The following CUX1 variants were observed in gnomAD, a reference collection of about 807,000 sequenced individuals.
The protein encoded by CUX1 is protein CASP.
CUX1 carries 31 observed loss-of-function variants against 158.8 expected under a neutral mutation model. The ratio of observed to expected loss-of-function variants is 0.20; its 90% CI spans 0.15 to 0.26. CUX1 has a LOEUF of 0.26. Ranked by LOEUF, CUX1 falls within the 10% of genes least tolerant of loss-of-function variation. CUX1 has a pLI of 1.00. For synonymous variants in CUX1, 879 were observed against 862.1 expected, an observed-to-expected ratio of 1.02 and a Z score of -0.34; for missense variants, 1,589 against 2,014.6, an observed-to-expected ratio of 0.79 and a Z score of 4.04.
intron 2 of CUX1, among the ~76,000 whole-genome samples, chr7:101,928,891 C>T (rs1163466381): frequency 6.6e-6 from 1 of 151,200 alleles, no homozygotes; most frequent in Non-Finnish European, 1.5e-5. Context: ...GGGATGGTCT[C>T]GATCTCCTGA....
downstream of CUX1, among the ~76,000 whole-genome samples, chr7:102,260,570 CTTTTTTTTTTT>C (rs55642237): frequency 5.9e-5 from 3 of 51,050 alleles, no homozygotes; most frequent in African/African-American, 2.5e-4. Flanking sequence ...CCACACCTGG[CTTTTTTTTTTT>C]TTTTTTTTTT....
intron 3 of CUX1, among the ~76,000 whole-genome samples, chr7:102,044,024 T>C (rs1442312698): frequency 1.3e-5 from 2 of 152,138 alleles, no homozygotes; most frequent in Non-Finnish European, 1.5e-5. Context: ...CACTCTGTTG[T>C]GCAGACTGGC....
At chr7:101,885,222 G>T (rs1367010276) in intron 1 of CUX1, among the ~76,000 whole-genome samples, 2 of 152,200 alleles carry the variant, frequency 1.3e-5, no homozygotes, top group Non-Finnish European at 2.9e-5. Flanking sequence ...GGGGCTGGAT[G>T]CCCTGCCTCC....
At chr7:102,098,783 G>A (rs571674126) in intron 5 of CUX1, among the ~76,000 whole-genome samples, 2 of 148,652 alleles carry the variant, frequency 1.3e-5, no homozygotes, top group African/African-American at 5.0e-5. Flanking sequence ...TGGGACTACA[G>A]GAGCCCGCCA....
At chr7:102,108,499 C>T (rs1329205582) in intron 6 of CUX1, among the ~76,000 whole-genome samples, 3 of 151,896 alleles carry the variant, frequency 2.0e-5, no homozygotes, top group Admixed American at 6.6e-5. Flanking sequence ...TGTGTGCCAC[C>T]AAGCCTGGCT....
intron 2 of CUX1, among the ~76,000 whole-genome samples, chr7:101,989,147 G>GC (rs945912110): frequency 6.6e-6 from 1 of 151,706 alleles, no homozygotes; most frequent in African/African-American, 2.4e-5. Context: ...CCAGCCCTCA[G>GC]CCCCCTTCCT....
At chr7:101,951,416 T>C (rs1484508744) in intron 2 of CUX1, among the ~76,000 whole-genome samples, 1 of 152,252 alleles carries the variant, frequency 6.6e-6, no homozygotes, top group East Asian at 1.9e-4. Flanking sequence ...GCACTAGTTA[T>C]TAAAGGCTCT....
intron 2 of CUX1, among the ~76,000 whole-genome samples, chr7:101,996,337 G>A (rs752606205): frequency 4.6e-5 from 7 of 151,176 alleles, no homozygotes; most frequent in Admixed American, 2.0e-4. Context: ...GTCCGATCCC[G>A]TCTCTTGAGC....
chr7:102,227,604 C>T lies in CUX1; in HGVS notation c.3368C>T (p.Ser1123Phe), dbSNP rs140448919. 1.7e-5 allele frequency: 27 copies of T among 1,614,070 alleles called. No homozygotes were observed. The highest frequency in any genetic ancestry group is 2.3e-5 in the Non-Finnish European group (27 of 1,180,040). The change falls in exon 21 of 24, where the codon TCC (serine) becomes TTC (phenylalanine). Residue 1123 changes from serine to phenylalanine, a missense_variant. Transcript: ENST00000292535. ...ALSIQELVAM[S>F]PELDTYGITK... ...AGCATCCAAGAATTAGTAGCCATGT[C>T]CCCGGAGCTGGACACCTACGGCATA...
At chr7:102,038,048 T>C (rs1821652865) in intron 3 of CUX1, among the ~76,000 whole-genome samples, 1 of 58,196 alleles carries the variant, frequency 1.7e-5, no homozygotes. Context: ...AGACTCTGTC[T>C]CAAAAAAAAA....
chr7:101,949,313 A>G (rs927039570), intron 2 of CUX1, among the ~76,000 whole-genome samples: 3 of 151,608 alleles, frequency 2.0e-5, no homozygotes, highest in South Asian at 2.1e-4. Context: ...TTGTATTTTC[A>G]GTAGAGACGG....
At chr7:102,120,259 G>T (rs1440534128) in intron 8 of CUX1, among the ~76,000 whole-genome samples, 2 of 152,188 alleles carry the variant, frequency 1.3e-5, no homozygotes, top group Admixed American at 1.3e-4. Flanking sequence ...ACGATCCTAT[G>T]CCCTGTCCCC....
At chr7:101,825,920 C>T (rs1427417673) in intron 1 of CUX1, among the ~76,000 whole-genome samples, 5 of 152,008 alleles carry the variant, frequency 3.3e-5, no homozygotes, top group Admixed American at 2.0e-4. Flanking sequence ...CGAAACAGGT[C>T]GCAATCCATT....
At chr7:101,988,529 C>T (rs1253104256) in intron 2 of CUX1, among the ~76,000 whole-genome samples, 2 of 152,158 alleles carry the variant, frequency 1.3e-5, no homozygotes, top group African/African-American at 4.8e-5. Context: ...CTCCTCCTTT[C>T]CCTCCAGGTC....
At chr7:101,830,433 GT>G (rs1247491481) in intron 1 of CUX1, among the ~76,000 whole-genome samples, 1 of 152,142 alleles carries the variant, frequency 6.6e-6, no homozygotes, top group Non-Finnish European at 1.5e-5. Flanking sequence ...GAAAACTGAG[GT>G]TTTGGGCCAC....
intron 2 of CUX1, among the ~76,000 whole-genome samples, chr7:101,990,447 G>T (rs1814952702): frequency 6.6e-6 from 1 of 151,920 alleles, no homozygotes; most frequent in South Asian, 2.1e-4. Flanking sequence ...TGAGATCTTG[G>T]TTCACTGCAA....
intron 2 of CUX1, among the ~76,000 whole-genome samples, chr7:101,928,576 G>C (rs1396773919): frequency 1.3e-5 from 2 of 151,302 alleles, no homozygotes; most frequent in South Asian, 2.1e-4. Flanking sequence ...ATGTTGGCCA[G>C]GTTGGTCTCA....
At chr7:101,838,719 C>G (rs1794899068) in intron 1 of CUX1, among the ~76,000 whole-genome samples, 1 of 151,844 alleles carries the variant, frequency 6.6e-6, no homozygotes, top group Non-Finnish European at 1.5e-5. Context: ...AGGAGAATCG[C>G]TTGAACCTGG....
intron 23 of CUX1, among the ~76,000 whole-genome samples, chr7:102,241,149 T>C (rs1800164575): frequency 6.6e-6 from 1 of 152,134 alleles, no homozygotes; most frequent in Non-Finnish European, 1.5e-5. Context: ...ATGAAAAATA[T>C]AGAACTCAGA....
Sources: allele counts gnomAD v4.1 joint callset (sites outside exome capture counted in the v4.1 genomes callset), GRCh38; gene constraint gnomAD v4.1.1; transcripts MANE v1.5; gene names NCBI Gene and HGNC (gene_info 2026-07-23, HGNC 2026-07-21).